Variants in GALNT17 observed in about 807,000 individuals in gnomAD.
The protein encoded by GALNT17 is UDP-GalNAc:polypeptide N-acetylgalactosaminyltransferase-like 3.
In GALNT17, 29 loss-of-function variants were observed where a neutral mutation model predicts 63.7. That is an observed-to-expected ratio of 0.46 (90% CI 0.34 to 0.62). GALNT17 has a LOEUF of 0.62. GALNT17 is among the 20% of genes least tolerant of loss of function. The pLI, the probability that GALNT17 is intolerant of heterozygous loss-of-function variation, is 0.01. For synonymous variants in GALNT17, 305 were observed against 318.3 expected (o/e 0.96, Z 0.45); for missense variants, 603 against 799.6 (o/e 0.75, Z 2.97).
chr7:71,384,454 T>C (rs752169695), intron 2 of GALNT17, among the ~76,000 whole-genome samples: 1 of 152,150 alleles, frequency 6.6e-6, no homozygotes, highest in Non-Finnish European at 1.5e-5. Flanking sequence ...CAAGGTGGTG[T>C]TCTCTGACTC....
chr7:71,220,787 A>G (rs1189772242), intron 1 of GALNT17, among the ~76,000 whole-genome samples: 2 of 152,166 alleles, frequency 1.3e-5, no homozygotes, highest in African/African-American at 4.8e-5. Flanking sequence ...CTACAAGCCA[A>G]GGAGAGACGT....
At chr7:71,452,415 G>A (rs1346834467) in intron 5 of GALNT17, among the ~76,000 whole-genome samples, 29 of 152,014 alleles carry the variant, frequency 1.9e-4, no homozygotes, top group Non-Finnish European at 1.0e-4. Flanking sequence ...GCATGGTGGT[G>A]TGCACCTGTA....
chr7:71,488,186 AAAAC>A (rs1176757928), intron 5 of GALNT17, among the ~76,000 whole-genome samples: 1 of 151,586 alleles, frequency 6.6e-6, no homozygotes, highest in African/African-American at 2.4e-5. Context: ...AAAAAAAAAA[AAAAC>A]AGCCAAGGTA....
chr7:71,436,187 C>G (rs534506846), intron 5 of GALNT17, among the ~76,000 whole-genome samples: 5 of 152,006 alleles, frequency 3.3e-5, no homozygotes, highest in African/African-American at 4.8e-5. Flanking sequence ...AGGCAGCAGG[C>G]AAGATGAACC....
chr7:71,359,624 C>T (rs979136888), intron 2 of GALNT17, among the ~76,000 whole-genome samples: 7 of 151,566 alleles, frequency 4.6e-5, no homozygotes, highest in Non-Finnish European at 7.4e-5. Context: ...CTTGCTGTCA[C>T]CCAGGCTGGA....
chr7:71,669,251 C>T (rs1247808579), intron 7 of GALNT17, among the ~76,000 whole-genome samples: 1 of 152,120 alleles, frequency 6.6e-6, no homozygotes, highest in South Asian at 2.1e-4. Context: ...TGCAGTGGCT[C>T]ACACCTGTAA....
intron 2 of GALNT17, among the ~76,000 whole-genome samples, chr7:71,358,282 G>C (rs1792329186): frequency 6.6e-6 from 1 of 152,232 alleles, no homozygotes; most frequent in Non-Finnish European, 1.5e-5. Context: ...TGTAATCCCA[G>C]CTACTCGGGA....
chr7:71,554,673 C>G (rs541839217), intron 5 of GALNT17, among the ~76,000 whole-genome samples: 8 of 152,324 alleles, frequency 5.3e-5, no homozygotes, highest in African/African-American at 1.9e-4. Context: ...CGCCAGAGTG[C>G]TAGGCAGGAA....
At chr7:71,530,379 T>G (rs1788697274) in intron 5 of GALNT17, among the ~76,000 whole-genome samples, 1 of 152,126 alleles carries the variant, frequency 6.6e-6, no homozygotes. Context: ...TCCTAAAGAC[T>G]TTTAAAGGAC....
rs1262615164 is a variant in GALNT17 at position 71,712,219 on chromosome 7, C to T, written c.*73C>T. On this transcript the variant is annotated 3_prime_UTR_variant, in exon 11 of 11. Transcript: ENST00000333538. ...TCCCCCCAACATCTGGACCAGCTGC[C>T]CTGGCGGAGAGACAGCAAGGGGCCG... 5.1e-6 allele frequency: 8 copies of T among 1,559,930 alleles called. No individual in the cohort carries two copies. The highest frequency in any genetic ancestry group is 6.9e-6 in the Non-Finnish European group (8 of 1,154,816).
chr7:71,294,939 G>T (rs1449789666), intron 1 of GALNT17, among the ~76,000 whole-genome samples: 1 of 152,112 alleles, frequency 6.6e-6, no homozygotes, highest in Non-Finnish European at 1.5e-5. Context: ...GCGATAGTCT[G>T]CATTAATGTT....
chr7:71,214,872 C>T (rs1285982481), intron 1 of GALNT17, among the ~76,000 whole-genome samples: 1 of 152,190 alleles, frequency 6.6e-6, no homozygotes, highest in African/African-American at 2.4e-5. Context: ...GCCACCGCAC[C>T]TGGCCTTTTG....
intron 1 of GALNT17, among the ~76,000 whole-genome samples, chr7:71,283,331 C>G (rs755140562): frequency 2.0e-5 from 3 of 152,130 alleles, no homozygotes; most frequent in Non-Finnish European, 2.9e-5. Context: ...GTGCCCAGCT[C>G]TCCCTGCTTT....
intron 5 of GALNT17, among the ~76,000 whole-genome samples, chr7:71,459,927 T>C (rs943594926): frequency 6.6e-6 from 1 of 152,220 alleles, no homozygotes; most frequent in Admixed American, 6.5e-5. Flanking sequence ...CCCAGGTCTT[T>C]AGACACACTC....
chr7:71,526,455 T>C (rs1036155973), intron 5 of GALNT17, among the ~76,000 whole-genome samples: 1 of 152,236 alleles, frequency 6.6e-6, no homozygotes, highest in African/African-American at 2.4e-5. Context: ...GACGCCAGTC[T>C]ACTTCTGTGG....
chr7:71,665,087 T>G (rs965808488), intron 6 of GALNT17, among the ~76,000 whole-genome samples: 6 of 152,100 alleles, frequency 3.9e-5, no homozygotes, highest in African/African-American at 1.2e-4. Context: ...AACTGATTCT[T>G]GTGCCTCAGC....
intron 1 of GALNT17, among the ~76,000 whole-genome samples, chr7:71,199,522 TCATCCATCCATCCATCCATC>T (rs34691979): frequency 0.013 from 1,825 of 142,760 alleles, 41 homozygotes; most frequent in African/African-American, 0.047. Context: ...CCCCATCCAT[TCATCCATCCATCCATCCATC>T]CATCCATCCA....
chr7:71,664,008 TA>T (rs1286322459), intron 6 of GALNT17, among the ~76,000 whole-genome samples: 1 of 144,722 alleles, frequency 6.9e-6, no homozygotes, highest in East Asian at 3.0e-4. Context: ...CTCATTTCCA[TA>T]AATTAATTTT....
intron 6 of GALNT17, among the ~76,000 whole-genome samples, chr7:71,599,038 C>T (rs552085453): frequency 1.3e-5 from 2 of 152,144 alleles, no homozygotes; most frequent in East Asian, 3.9e-4. Context: ...TGTTGAGTTC[C>T]AGGACCTGGG....
Sources: gnomAD v4.1 joint callset for allele counts (sites outside exome capture counted in the v4.1 genomes callset) on GRCh38, gnomAD v4.1.1 for gene constraint, MANE v1.5 for transcripts, NCBI Gene and HGNC (gene_info 2026-07-23, HGNC 2026-07-21) for gene names.